The following COQ6 variants were observed in gnomAD, a reference collection of about 807,000 sequenced individuals.
COQ6 encodes the protein coenzyme Q6, monooxygenase, also known as ubiquinone biosynthesis monooxygenase COQ6, mitochondrial.
In COQ6, 45 loss-of-function variants were observed where a neutral mutation model predicts 55.5. That is an observed-to-expected ratio of 0.81 (90% CI 0.64 to 1.04). COQ6 has a LOEUF of 1.04. Among genes scored for constraint, COQ6 ranks in the 50% least tolerant of loss-of-function variants. The pLI is 0.00. For missense variants in COQ6, 550 were observed against 601.3 expected (o/e 0.91, Z 0.89); for synonymous variants, 206 against 230.5 (o/e 0.89, Z 0.96).
intron 2 of COQ6, among the ~76,000 whole-genome samples, chr14:73,954,408 TGG>T (rs1297419083): frequency 6.6e-6 from 1 of 152,208 alleles, no homozygotes; most frequent in African/African-American, 2.4e-5. Context: ...AAGTCTAGCC[TGG>T]GCAACATACC....
At chr14:73,954,571 C>T (rs899388037) in intron 2 of COQ6, among the ~76,000 whole-genome samples, 10 of 152,190 alleles carry the variant, frequency 6.6e-5, no homozygotes, top group Admixed American at 3.3e-4. Flanking sequence ...GGGCCGGGTG[C>T]GGTGGCTCAC....
At chr14:73,957,685 C>T (rs1220839288) in intron 4 of COQ6, among the ~76,000 whole-genome samples, 2 of 152,192 alleles carry the variant, frequency 1.3e-5, no homozygotes, top group Admixed American at 6.5e-5. Flanking sequence ...CTGCCTCAGC[C>T]TCCCTAAGTT....
intron 8 of COQ6, chr14:73,960,774 A>G (rs1668792716): frequency 2.5e-6 from 1 of 398,464 alleles, no homozygotes; most frequent in Non-Finnish European, 4.4e-6. Context: ...AGACTGGAGG[A>G]GTTAAAAAGA....
At position 73,959,202 on chromosome 14, in the gene COQ6, C is replaced by T. The variant is rs1300543608; in HGVS notation, c.761C>T (p.Ser254Phe). 2 of 1,614,246 alleles carry T rather than the reference C, an allele frequency of 1.2e-6. No individual in the cohort carries two copies. The highest frequency in any genetic ancestry group is 8.5e-7 in the Non-Finnish European group (1 of 1,180,048). ...NNVAWQRFLPSGPIALLPLSD... is the reference protein window; with the variant it reads ...NNVAWQRFLPFGPIALLPLSD... The stretch of plus-strand genomic sequence containing the variant: ...GTAGCCTGGCAGAGATTTCTTCCCT[C>T]TGGGCCTATTGCTCTGCTCCCGGTA... Residue 254 changes from serine to phenylalanine, a missense_variant, in exon 7 of 12, where the codon TCT becomes TTT. By Grantham distance (155) the Ser-to-Phe change is radical. Transcript: ENST00000334571.
Position 73,963,300 on chromosome 14 carries a change from T to C in COQ6, c.*301T>C. On this transcript the variant is annotated 3_prime_UTR_variant, in exon 12 of 12. Coordinates refer to ENST00000334571, the MANE Select transcript of COQ6 (RefSeq NM_182476.3). Reference sequence around the variant, plus strand: ...TGTCTCACTCATTTCCAGTTAATCATTTCTAAAGAGAAAATTTACATTTTG... The same window carrying C: ...TGTCTCACTCATTTCCAGTTAATCACTTCTAAAGAGAAAATTTACATTTTG... 2.1e-6 allele frequency: 1 copy of C among 471,346 alleles called. No individual in the cohort carries two copies. The highest frequency in any genetic ancestry group is 3.7e-6 in the Non-Finnish European group (1 of 269,082). 29.2% of individuals were successfully genotyped at this position (471,346 alleles called of 1,614,324 possible).
chr14:73,961,114 T>G lies in COQ6; in HGVS notation c.892-59T>G. 1.9e-6 allele frequency: 3 copies of G among 1,562,934 alleles called. No individual in the cohort carries two copies. In the South Asian group the frequency reaches 3.5e-5, roughly 18 times the overall value. On this transcript the variant is annotated intron_variant, in intron 8 of 11. Coordinates refer to ENST00000334571, the MANE Select transcript of COQ6 (RefSeq NM_182476.3). The stretch of plus-strand genomic sequence containing the variant: ...TTACAAACAAGGTTTCTTTATTGAA[T>G]TTTTAATTCCCTGCTACTCACATTT...
chr14:73,958,282 T>C lies in COQ6; in HGVS notation c.612+5T>C, dbSNP rs753504296. The C allele has an allele frequency of 1.9e-6, 3 of 1,614,008 alleles. No homozygotes were observed. The highest frequency in any genetic ancestry group is 3.3e-5 in the Admixed American group (2 of 60,008). On this transcript the variant is annotated splice_donor_5th_base_variant and intron_variant, in intron 5 of 11. Transcript: ENST00000334571. ...ACCTTCCAGACCAAATTGTTGGTAG[T>C]TGAAGATTCTTATTTTGCTAGGGGT...
chr14:73,957,559 T>A (rs777728722), intron 4 of COQ6, among the ~76,000 whole-genome samples: 12 of 152,124 alleles, frequency 7.9e-5, no homozygotes, highest in Non-Finnish European at 1.8e-4. Context: ...CACCTCAGCC[T>A]CCTGACTAAC....
At chr14:73,955,598 A>G (rs760393446) in intron 3 of COQ6, 89 bp downstream of exon 3, 1 of 1,382,866 alleles carries the variant, frequency 7.2e-7, no homozygotes, top group Non-Finnish European at 1.0e-6. Flanking sequence ...CTGTGAATGT[A>G]GGAGGAATCA....
At chr14:73,953,619 T>G in intron 2 of COQ6, 50 bp downstream of exon 2, 1 of 1,611,106 alleles carries the variant, frequency 6.2e-7, no homozygotes, top group Non-Finnish European at 8.5e-7. Flanking sequence ...CCCACTTAGC[T>G]TTCTAGTGTA....
chr14:73,961,336 A>T lies in COQ6; in HGVS notation c.1055A>T (p.His352Leu), dbSNP rs2056721032. 1.4e-5 allele frequency: 22 copies of T among 1,614,208 alleles called. No individual in the cohort carries two copies. The highest frequency in any genetic ancestry group is 1.9e-5 in the Non-Finnish European group (22 of 1,180,036). Residue 352 changes from histidine (H) to leucine (L), a missense_variant, in exon 9 of 12, where the codon CAT (histidine) becomes CTT (leucine). His to Leu is a moderately conservative substitution (Grantham distance 99). Transcript: ENST00000334571. Reference sequence around the variant, plus strand: ...GTTCTGTTTCCTCTTGGGTTGGGACATGCTGCTGAGTACGTCAGGCCTCGG... The same window carrying T: ...GTTCTGTTTCCTCTTGGGTTGGGACTTGCTGCTGAGTACGTCAGGCCTCGG... ...SRVLFPLGLG[H>L]AAEYVRPRVA...
chr14:73,951,834 A>T (rs1031309728), intron 1 of COQ6, among the ~76,000 whole-genome samples: 1 of 151,392 alleles, frequency 6.6e-6, no homozygotes, highest in African/African-American at 2.4e-5. Flanking sequence ...AAAGCAGATC[A>T]TAGACTTCTG....
chr14:73,951,051 C>G (rs2056170880), intron 1 of COQ6, among the ~76,000 whole-genome samples: 1 of 152,210 alleles, frequency 6.6e-6, no homozygotes. Flanking sequence ...GGCTGCAGTG[C>G]AGTGGCACGA....
At position 73,955,226 on chromosome 14, in the gene COQ6, T is replaced by A. The variant is rs2056378674; in HGVS notation, c.299-225T>A. On this transcript the variant is annotated intron_variant, in intron 2 of 11. Transcript: ENST00000334571. Reference sequence around the variant, plus strand: ...CCTCAGTCTCCCAAAGTGCTGGGATTACAGGCATGAGCCACCGCGCCCGGC... The same window carrying A: ...CCTCAGTCTCCCAAAGTGCTGGGATAACAGGCATGAGCCACCGCGCCCGGC... 3 of 584,024 alleles carry A rather than the reference T, an allele frequency of 5.1e-6. No individual in the cohort carries two copies. In the South Asian group the frequency reaches 6.0e-5, roughly 12 times the overall value. 36.2% of individuals were successfully genotyped at this position (584,024 alleles called of 1,614,324 possible).
At chr14:73,958,315 A>G in intron 5 of COQ6, 38 bp downstream of exon 5, 2 of 1,612,976 alleles carry the variant, frequency 1.2e-6, no homozygotes, top group East Asian at 2.2e-5. Flanking sequence ...GGTCTTGTAT[A>G]TCTACATCTT....
Position 73,958,978 on chromosome 14 carries a change from CAGATGGTCA to C in COQ6, c.621_629del (p.Asp208_His210del). On this transcript the variant is annotated inframe_deletion, in exon 6 of 12. Coordinates refer to ENST00000334571, the MANE Select transcript of COQ6 (RefSeq NM_182476.3). ...GCTCATGTGTCCATGCAGATAGGTG[CAGATGGTCA>C]CAACTCCGGAGTACGGCAGGCTGTT... The C allele has an allele frequency of 6.2e-7, 1 of 1,613,864 alleles. No homozygotes were observed. Among genetic ancestry groups the C allele is most frequent in the South Asian group, 1.1e-5 (1 of 91,058 alleles).
Position 73,953,420 on chromosome 14 carries a change from T to A in COQ6, c.164-15T>A. On this transcript the variant is annotated splice_polypyrimidine_tract_variant and intron_variant, in intron 1 of 11. Transcript: ENST00000334571. ...CTTGATTTTCCTAAGATGATATAAA[T>A]TTTCTTTTTTTAAGGATATGATATT... 6.2e-7 allele frequency: 1 copy of A among 1,600,486 alleles called. No individual in the cohort carries two copies. The highest frequency in any genetic ancestry group is 8.6e-7 in the Non-Finnish European group (1 of 1,168,668).
rs763420547 is a variant in COQ6 at position 73,963,093 on chromosome 14, A to G, written c.*94A>G. 9.5e-7 allele frequency: 1 copy of G among 1,055,644 alleles called. No homozygotes were observed. Among genetic ancestry groups the G allele is most frequent in the South Asian group, 1.3e-5 (1 of 77,240 alleles). 65.4% of individuals were successfully genotyped at this position (1,055,644 alleles called of 1,614,324 possible). On this transcript the variant is annotated 3_prime_UTR_variant, in exon 12 of 12. Transcript: ENST00000334571. ...TTTTCAAGATCTTATTTAATTTAATAAACTTACTTTACATTAAAATTCTCT... is the reference window on the plus strand; with the variant it reads ...TTTTCAAGATCTTATTTAATTTAATGAACTTACTTTACATTAAAATTCTCT...
intron 11 of COQ6, among the ~76,000 whole-genome samples, chr14:73,962,159 G>A (rs2056769879): frequency 6.6e-6 from 1 of 152,006 alleles, no homozygotes; most frequent in African/African-American, 2.4e-5. Flanking sequence ...TGTTGGCCAA[G>A]CTGGTCTTGA....
Sources: gnomAD v4.1 joint callset for allele counts (sites outside exome capture counted in the v4.1 genomes callset) on GRCh38, gnomAD v4.1.1 for gene constraint, MANE v1.5 for transcripts, NCBI Gene and HGNC (gene_info 2026-07-23, HGNC 2026-07-21) for gene names.